Variants in CLEC4M observed in about 807,000 individuals in gnomAD.
CLEC4M encodes the protein CD209 antigen-like protein 1.
Under a neutral mutation model 39.1 loss-of-function variants are expected in CLEC4M, and 25 were observed. That is an observed-to-expected ratio of 0.64 (90% CI 0.47 to 0.89). The LOEUF is 0.89. CLEC4M is among the 40% of genes least tolerant of loss of function. The pLI, the probability that CLEC4M is intolerant of heterozygous loss-of-function variation, is 0.00. For synonymous variants in CLEC4M, 155 were observed against 177.4 expected, an observed-to-expected ratio of 0.87 and a Z score of 1.00; for missense variants, 353 against 431.4, an observed-to-expected ratio of 0.82 and a Z score of 1.61.
Position 7,766,902 on chromosome 19 carries a change from T to C in CLEC4M, c.936+95T>C, listed in dbSNP as rs1380512073. The C allele has an allele frequency of 4.4e-6, 7 of 1,584,314 alleles. No homozygotes were observed. In the Admixed American group the frequency reaches 1.2e-4, roughly 28 times the overall value. ...GAGAGGATTTTGCAGAAGAGGGGCT[T>C]TGCTCTATTTGGAAAGATGGGAAGA... On this transcript the variant is annotated intron_variant, in intron 5 of 6. Coordinates refer to ENST00000327325, the MANE Select transcript of CLEC4M (RefSeq NM_014257.5).
intron 2 of CLEC4M, among the ~76,000 whole-genome samples, chr19:7,764,806 T>A (rs1385626048): frequency 6.6e-6 from 1 of 152,176 alleles, no homozygotes; most frequent in Non-Finnish European, 1.5e-5. Context: ...GGCAGTTAAT[T>A]TTTAAAGGAT....
At chr19:7,766,258 A>T in intron 4 of CLEC4M, 51 bp downstream of exon 4, 1 of 1,607,716 alleles carries the variant, frequency 6.2e-7, no homozygotes, top group African/African-American at 1.3e-5. Flanking sequence ...TCTCTGTGTG[A>T]TGTGACTTTA....
intron 6 of CLEC4M, 155 bp from the exon 7 acceptor site, chr19:7,768,683 G>A: frequency 1.3e-6 from 1 of 746,198 alleles, no homozygotes; most frequent in Non-Finnish European, 2.1e-6. Context: ...GGAACTGAAG[G>A]CAACATGACT....
Position 7,769,079 on chromosome 19 carries a change from T to G in CLEC4M, c.*91T>G. ...GCTTCTTCTCTCCATCCTTGGACCT[T>G]CACAAATGCCCTGAGACGGTTCTCT... On this transcript the variant is annotated 3_prime_UTR_variant, in exon 7 of 7. Transcript: ENST00000327325. 7.4e-7 allele frequency: 1 copy of G among 1,350,896 alleles called. No homozygotes were observed. The highest frequency in any genetic ancestry group is 1.0e-6 in the Non-Finnish European group (1 of 969,432). The allele number at this position is 1,350,896 out of a possible 1,614,324, so 83.7% of individuals were successfully genotyped here. A position where few individuals can be genotyped will look rare whatever the true frequency, so the allele number is the denominator to read the frequency against.
At chr19:7,765,349 G>A (rs746316121) in intron 3 of CLEC4M, 81 bp downstream of exon 3, 29 of 1,505,362 alleles carry the variant, frequency 1.9e-5, no homozygotes, top group Middle Eastern at 1.7e-4. Flanking sequence ...GCCAGGTCTG[G>A]GAGGGAGGTG....
intron 4 of CLEC4M, 87 bp downstream of exon 4, chr19:7,766,294 C>T: frequency 6.4e-7 from 1 of 1,571,132 alleles, no homozygotes; most frequent in Non-Finnish European, 8.6e-7. Context: ...CTGCCTGAGC[C>T]TCAGTTTCCT....
chr19:7,765,324 A>T, intron 3 of CLEC4M, 56 bp downstream of exon 3: 1 of 1,589,176 alleles, frequency 6.3e-7, no homozygotes, highest in Non-Finnish European at 8.6e-7. Context: ...TTGGCTATGA[A>T]CAGAGCCTGG....
chr19:7,765,400 G>C lies in CLEC4M; in HGVS notation c.214+132G>C, dbSNP rs541060001. 16 of 1,166,538 alleles carry C rather than the reference G, an allele frequency of 1.4e-5. 1 individual carries two copies. In the South Asian group the frequency reaches 2.2e-4, roughly 16 times the overall value. The allele number at this position is 1,166,538 out of a possible 1,614,324, so 72.3% of individuals were successfully genotyped here. A position where few individuals can be genotyped will look rare whatever the true frequency, so the allele number is the denominator to read the frequency against. On this transcript the variant is annotated intron_variant, in intron 3 of 6. Transcript: ENST00000327325. Reference sequence around the variant, plus strand: ...ATGTTGTCCCTGGGGGTCTGTAGGGGCCTCTCCCACAGCCCCTCCCCACTC... The same window carrying C: ...ATGTTGTCCCTGGGGGTCTGTAGGGCCCTCTCCCACAGCCCCTCCCCACTC...
Position 7,767,531 on chromosome 19 carries a change from C to T in CLEC4M, c.952C>T (p.Gln318Ter). ...TACCCTCCAGAACTTCCTACAGCTGCAGACTTCCAGGAGTAACCGCTTCTC... is the reference window on the plus strand; with the variant it reads ...TACCCTCCAGAACTTCCTACAGCTGTAGACTTCCAGGAGTAACCGCTTCTC... ...TAEEQNFLQL[Q>*]TSRSNRFSWM... The change falls in exon 6 of 7, where the codon CAG (glutamine) becomes TAG (stop). Residue 318 changes from glutamine (Q) to a stop codon, truncating the protein, a stop_gained. Transcript: ENST00000327325. LOFTEE classifies it high-confidence loss of function. The T allele has an allele frequency of 6.2e-7, 1 of 1,614,158 alleles. No individual in the cohort carries two copies. The highest frequency in any genetic ancestry group is 8.5e-7 in the Non-Finnish European group (1 of 1,179,976).
In CLEC4M at chr19:7,768,925, T is replaced by C. The variant is rs2034400878; in HGVS notation, c.1137T>C (p.Asn379=). The C allele has an allele frequency of 1.2e-6, 2 of 1,614,062 alleles. No homozygotes were observed. The highest frequency in any genetic ancestry group is 1.7e-6 in the Non-Finnish European group (2 of 1,179,994). Residue 379 remains asparagine, a synonymous_variant, in exon 7 of 7, where the codon AAT becomes AAC. Coordinates refer to ENST00000327325, the MANE Select transcript of CLEC4M (RefSeq NM_014257.5). ...AEFSGSGWND[N]RCDVDNYWIC... is the part of the protein sequence containing the mutation. ...TTAGTGGCAGTGGCTGGAACGACAA[T>C]CGATGTGACGTTGACAATTACTGGA...
At chr19:7,764,323 G>A (rs2034150156) in intron 2 of CLEC4M, among the ~76,000 whole-genome samples, 1 of 152,036 alleles carries the variant, frequency 6.6e-6, no homozygotes, top group Non-Finnish European at 1.5e-5. Flanking sequence ...GGAAAAACAT[G>A]TTTTACAACT....
rs1366729685 is a variant in CLEC4M at position 7,763,245 on chromosome 19, C to T, written c.-22C>T. Reference sequence around the variant, plus strand: ...AGCTGTGGTCCCCAGGAGTCCTGAACATCTGGGGACAGCGGGAAAACATGA... The same window carrying T: ...AGCTGTGGTCCCCAGGAGTCCTGAATATCTGGGGACAGCGGGAAAACATGA... On this transcript the variant is annotated 5_prime_UTR_variant, in exon 1 of 7. Transcript: ENST00000327325. 1 of 1,574,712 alleles carries T rather than the reference C, an allele frequency of 6.4e-7. No individual in the cohort carries two copies. Among genetic ancestry groups the T allele is most frequent in the Non-Finnish European group, 8.6e-7 (1 of 1,163,738 alleles).
intron 6 of CLEC4M, 98 bp downstream of exon 6, chr19:7,767,726 C>G: frequency 1.0e-6 from 1 of 987,688 alleles, no homozygotes; most frequent in Non-Finnish European, 1.6e-6. Context: ...CCTCCCTGAC[C>G]CCATAGGACT....
At chr19:7,768,627 GC>G (rs1303012912) in intron 6 of CLEC4M, 14 of 444,356 alleles carry the variant, frequency 3.2e-5, no homozygotes, top group Non-Finnish European at 5.2e-5. Flanking sequence ...GAAAATCACA[GC>G]CTCAGTAGGA....
intron 3 of CLEC4M, 63 bp downstream of exon 3, chr19:7,765,331 C>A: frequency 6.4e-7 from 1 of 1,571,592 alleles, no homozygotes; most frequent in South Asian, 1.1e-5. Context: ...TGAACAGAGC[C>A]TGGAGTGGCC....
chr19:7,768,799 G>A, intron 6 of CLEC4M, 39 bp from the exon 7 acceptor site: 1 of 1,606,290 alleles, frequency 6.2e-7, no homozygotes, highest in Non-Finnish European at 8.5e-7. Context: ...CTCATCTACT[G>A]GGCAGGGCAG....
intron 6 of CLEC4M, 170 bp from the exon 7 acceptor site, chr19:7,768,668 A>G: frequency 1.6e-6 from 1 of 617,298 alleles, no homozygotes. Context: ...GCAGCAAGAG[A>G]GGCAGGAACT....
chr19:7,763,394 A>G lies in CLEC4M; in HGVS notation c.48A>G (p.Glu16=), dbSNP rs1329647319. The change falls in exon 2 of 7, where the codon GAA becomes GAG. Residue 16 remains glutamate, a splice_region_variant and synonymous_variant. Transcript: ENST00000327325. ...CTGAGCTGATGTCTGTCAATTCAGAAGAAGATCCAACAACCAGTGGCATCA... is the reference window on the plus strand; with the variant it reads ...CTGAGCTGATGTCTGTCAATTCAGAGGAAGATCCAACAACCAGTGGCATCA... ...EPRVQQLGLL[E]EDPTTSGIRL... The G allele has an allele frequency of 1.2e-6, 2 of 1,613,892 alleles. No individual in the cohort carries two copies. Among genetic ancestry groups the G allele is most frequent in the Non-Finnish European group, 1.7e-6 (2 of 1,179,910 alleles).
At chr19:7,765,587 T>G (rs112431723) in intron 3 of CLEC4M, 51 bp from the exon 4 acceptor site, 2 of 1,610,704 alleles carry the variant, frequency 1.2e-6, no homozygotes, top group Non-Finnish European at 1.7e-6. Context: ...GTTCAGGGCT[T>G]GGCACACAGT....
Sources: gnomAD v4.1 joint callset for allele counts (sites outside exome capture counted in the v4.1 genomes callset) on GRCh38, gnomAD v4.1.1 for gene constraint, MANE v1.5 for transcripts, NCBI Gene and HGNC (gene_info 2026-07-23, HGNC 2026-07-21) for gene names.